Variants in KDM4C observed in about 807,000 individuals in gnomAD.
KDM4C encodes the protein lysine demethylase 4C, also known as lysine-specific demethylase 4C.
KDM4C carries 81 observed loss-of-function variants against 129.3 expected under a neutral mutation model. That is an observed-to-expected ratio of 0.63 (90% CI 0.52 to 0.75). KDM4C has a LOEUF of 0.75. Among genes scored for constraint, KDM4C ranks in the 30% least tolerant of loss-of-function variants. The pLI, the probability that KDM4C is intolerant of heterozygous loss-of-function variation, is 0.00. For synonymous variants in KDM4C, 573 were observed against 456.1 expected (o/e 1.26, Z -3.26); for missense variants, 1,457 against 1,304.0 (o/e 1.12, Z -1.81).
At chr9:6,852,439 C>G (rs1041812595) in intron 5 of KDM4C, among the ~76,000 whole-genome samples, 3 of 152,126 alleles carry the variant, frequency 2.0e-5, no homozygotes, top group Non-Finnish European at 2.9e-5. Context: ...AGAATGACCT[C>G]CAGTCATTCT....
At chr9:7,022,361 T>C (rs1302998016) in intron 15 of KDM4C, among the ~76,000 whole-genome samples, 1 of 152,160 alleles carries the variant, frequency 6.6e-6, no homozygotes, top group African/African-American at 2.4e-5. Context: ...ATTGTAGAGA[T>C]CTTTCACTTC....
intron 5 of KDM4C, among the ~76,000 whole-genome samples, chr9:6,860,349 G>C (rs140113469): frequency 2.0e-5 from 3 of 152,116 alleles, no homozygotes; most frequent in Non-Finnish European, 4.4e-5. Flanking sequence ...ATGTCTTGAC[G>C]GAGGGTTTTG....
At position 7,174,807 on chromosome 9, in the gene KDM4C, C is replaced by G. The variant is rs1004539924; in HGVS notation, c.*78C>G. 1 of 1,333,436 alleles carries G rather than the reference C, an allele frequency of 7.5e-7. No homozygotes were observed. Among genetic ancestry groups the G allele is most frequent in the Non-Finnish European group, 1.1e-6 (1 of 952,316 alleles). The allele number at this position is 1,333,436 out of a possible 1,614,324, so 82.6% of individuals were successfully genotyped here. A position where few individuals can be genotyped will look rare whatever the true frequency, so the allele number is the denominator to read the frequency against. ...TGAAGGGACATCCTTGGGGCTGTGC[C>G]GTGAGTTTTGCTGGCATAGGTGACA... On this transcript the variant is annotated 3_prime_UTR_variant, in exon 22 of 22. Coordinates refer to ENST00000381309, the MANE Select transcript of KDM4C (RefSeq NM_015061.6).
chr9:6,754,066 G>A (rs564905060), upstream of KDM4C, among the ~76,000 whole-genome samples: 5 of 151,778 alleles, frequency 3.3e-5, no homozygotes, highest in African/African-American at 1.2e-4. Context: ...AGTAGAGACA[G>A]GGTTTCACCG....
rs1205401858 is a variant in KDM4C, at chr9:7,131,720, C to T, written c.2781+3484C>T. Among the ~76,000 whole-genome samples, 5 of 152,160 alleles carry T rather than the reference C, an allele frequency of 3.3e-5. No homozygotes were observed. The South Asian group carries it at 6.2e-4, about 19-fold the overall frequency. Reference sequence around the variant, plus strand: ...GAACTGTTGTCTGGGAGATGGGTACCCTGCTCAGTACCCTAATGGAAAGTT... The same window carrying T: ...GAACTGTTGTCTGGGAGATGGGTACTCTGCTCAGTACCCTAATGGAAAGTT... On this transcript the variant is annotated intron_variant, in intron 19 of 21. Transcript: ENST00000381309.
intron 4 of KDM4C, chr9:6,819,005 C>G (rs969901145): frequency 6.6e-6 from 1 of 152,144 alleles, no homozygotes; most frequent in Non-Finnish European, 1.5e-5. Flanking sequence ...GAAGGTTGAG[C>G]TGATGGGTCA....
At chr9:7,027,352 A>T (rs942147449) in intron 15 of KDM4C, among the ~76,000 whole-genome samples, 5 of 152,176 alleles carry the variant, frequency 3.3e-5, no homozygotes, top group Admixed American at 2.0e-4. Flanking sequence ...TACTGTCTTC[A>T]TGTTCTTGGA....
intron 7 of KDM4C, among the ~76,000 whole-genome samples, chr9:6,890,854 G>C (rs569576726): frequency 6.6e-6 from 1 of 152,326 alleles, no homozygotes; most frequent in Admixed American, 6.5e-5. Context: ...CAGGAAAGGA[G>C]AGAGTTGGGC....
intron 8 of KDM4C, among the ~76,000 whole-genome samples, chr9:6,908,152 T>C (rs531486895): frequency 6.6e-6 from 1 of 152,222 alleles, no homozygotes; most frequent in African/African-American, 2.4e-5. Context: ...AAGGGCTATT[T>C]ATACTATTGT....
chr9:6,885,292 T>A (rs1455271228), intron 6 of KDM4C, among the ~76,000 whole-genome samples: 1 of 152,206 alleles, frequency 6.6e-6, no homozygotes, highest in East Asian at 1.9e-4. Context: ...GTTTTTTGCT[T>A]TTTTCACTTA....
chr9:6,914,054 A>G (rs141384267), intron 8 of KDM4C, among the ~76,000 whole-genome samples: 2,373 of 152,128 alleles, frequency 0.016, 30 homozygotes, highest in Non-Finnish European at 0.024. Flanking sequence ...AACATAGTAC[A>G]TTTTGTATTT....
At chr9:6,722,580 C>G (rs1184846151) in intron 1 of KDM4C, among the ~76,000 whole-genome samples, 1 of 151,296 alleles carries the variant, frequency 6.6e-6, no homozygotes, top group Non-Finnish European at 1.5e-5. Flanking sequence ...ATGGCGCGAT[C>G]TCGGCTCACT....
intron 4 of KDM4C, among the ~76,000 whole-genome samples, chr9:6,822,072 C>T (rs892067766): frequency 6.6e-6 from 1 of 152,104 alleles, no homozygotes; most frequent in African/African-American, 2.4e-5. Flanking sequence ...ACCAAAAAAC[C>T]AAGACTCTCA....
intron 1 of KDM4C, among the ~76,000 whole-genome samples, chr9:6,769,859 A>T (rs1340380413): frequency 6.6e-6 from 1 of 152,202 alleles, no homozygotes. Flanking sequence ...TGTGAACATT[A>T]ATGAGGGTTT....
At chr9:6,846,959 C>T (rs1454790693) in intron 4 of KDM4C, among the ~76,000 whole-genome samples, 1 of 152,112 alleles carries the variant, frequency 6.6e-6, no homozygotes, top group Non-Finnish European at 1.5e-5. Context: ...CGTGATTTTC[C>T]CCTCAGTGAC....
upstream of KDM4C, among the ~76,000 whole-genome samples, chr9:6,757,196 C>A (rs1025564466): frequency 1.3e-5 from 2 of 152,188 alleles, no homozygotes; most frequent in East Asian, 3.8e-4. Flanking sequence ...CTTATCTAGT[C>A]TCAGACGCTG....
intron 5 of KDM4C, among the ~76,000 whole-genome samples, chr9:6,875,393 G>T (rs1843394408): frequency 6.6e-6 from 1 of 152,152 alleles, no homozygotes; most frequent in Non-Finnish European, 1.5e-5. Context: ...AGTTCTCCTG[G>T]GCGGGTCTTG....
intron 15 of KDM4C, among the ~76,000 whole-genome samples, chr9:7,023,726 G>T (rs1825287914): frequency 6.6e-6 from 1 of 151,952 alleles, no homozygotes; most frequent in African/African-American, 2.4e-5. Flanking sequence ...TTGTTAGGTT[G>T]TTTATTTGAA....
chr9:6,737,869 G>A (rs1157197707), intron 1 of KDM4C, among the ~76,000 whole-genome samples: 1 of 151,986 alleles, frequency 6.6e-6, no homozygotes, highest in Non-Finnish European at 1.5e-5. Flanking sequence ...GGGCAAGGTG[G>A]CTCACACTTG....
Sources: gnomAD v4.1 joint callset for allele counts (sites outside exome capture counted in the v4.1 genomes callset) on GRCh38, gnomAD v4.1.1 for gene constraint, MANE v1.5 for transcripts, NCBI Gene and HGNC (gene_info 2026-07-23, HGNC 2026-07-21) for gene names.